Variants in CEP57 observed in about 807,000 individuals in gnomAD.
CEP57 encodes the protein centrosomal protein of 57 kDa.
CEP57 carries 40 observed loss-of-function variants against 68.0 expected under a neutral mutation model. The ratio of observed to expected loss-of-function variants is 0.59; its 90% CI spans 0.46 to 0.77. The LOEUF (loss-of-function observed/expected upper bound fraction) is 0.77. Among genes scored for constraint, CEP57 ranks in the 30% least tolerant of loss-of-function variants. The probability of loss-of-function intolerance (pLI) is 0.00; values close to 1 mark genes in which losing one functional copy is unlikely to be tolerated. For synonymous variants in CEP57, 219 were observed against 198.7 expected (o/e 1.10, Z -0.86); for missense variants, 606 against 580.7 (o/e 1.04, Z -0.45).
At chr11:95,809,433 C>G (rs1254707785) in intron 2 of CEP57, among the ~76,000 whole-genome samples, 1 of 151,910 alleles carries the variant, frequency 6.6e-6, no homozygotes, top group African/African-American at 2.4e-5. Context: ...TTGAAAAGAT[C>G]AAAATTGATA....
chr11:95,791,711 A>G (rs1297839616), intron 1 of CEP57, among the ~76,000 whole-genome samples: 1 of 152,204 alleles, frequency 6.6e-6, no homozygotes, highest in Non-Finnish European at 1.5e-5. Flanking sequence ...AAGGTTTCCT[A>G]GAAGGGAAGA....
At chr11:95,829,454 C>G in intron 10 of CEP57, 123 bp downstream of exon 10, 1 of 1,026,468 alleles carries the variant, frequency 9.7e-7, no homozygotes, top group East Asian at 2.5e-5. Context: ...TACTTCTTTA[C>G]TGAAGACATT....
At chr11:95,813,316 G>A (rs577100022) in intron 3 of CEP57, 152 bp from the exon 4 acceptor site, 28 of 1,047,280 alleles carry the variant, frequency 2.7e-5, no homozygotes, top group East Asian at 7.7e-5. Context: ...TGACTAGCAC[G>A]TAGAAAGAAT....
At chr11:95,803,949 A>G (rs896815298) in intron 2 of CEP57, among the ~76,000 whole-genome samples, 13 of 152,000 alleles carry the variant, frequency 8.6e-5, no homozygotes, top group African/African-American at 2.7e-4. Flanking sequence ...GTAAGGGGAA[A>G]CTCCCAGAAA....
intron 5 of CEP57, 184 bp downstream of exon 5, chr11:95,818,087 A>ATT: frequency 3.6e-6 from 2 of 557,432 alleles, no homozygotes; most frequent in South Asian, 2.1e-5. Context: ...CTTGGTGGGC[A>ATT]TTTTTTTTTA....
At chr11:95,822,190 A>G (rs1488398036) in intron 7 of CEP57, 1 of 593,020 alleles carries the variant, frequency 1.7e-6, no homozygotes, top group African/African-American at 1.9e-5. Flanking sequence ...ACTACAGAAC[A>G]CCATACAAAA....
intron 2 of CEP57, among the ~76,000 whole-genome samples, chr11:95,801,976 C>T (rs1163377891): frequency 6.6e-6 from 1 of 152,110 alleles, no homozygotes; most frequent in Non-Finnish European, 1.5e-5. Flanking sequence ...TCCAACGATA[C>T]TTACTTTCCA....
intron 9 of CEP57, 104 bp downstream of exon 9, chr11:95,828,131 T>C: frequency 7.3e-7 from 1 of 1,372,614 alleles, no homozygotes; most frequent in Non-Finnish European, 1.0e-6. Flanking sequence ...TGAGCAAGTA[T>C]GGTTGAGCAC....
chr11:95,829,371 GA>G (rs5793749), intron 10 of CEP57, 40 bp downstream of exon 10: 96 of 1,433,674 alleles, frequency 6.7e-5, no homozygotes, highest in African/African-American at 1.0e-4. Context: ...TAATGATTAA[GA>G]AAAAAAAAAC....
intron 7 of CEP57, 54 bp from the exon 8 acceptor site, chr11:95,822,445 G>C: frequency 7.1e-7 from 1 of 1,405,370 alleles, no homozygotes; most frequent in Non-Finnish European, 1.0e-6. Context: ...TGTATAGTCA[G>C]TTTTTATTAT....
chr11:95,812,005 C>G (rs1042119750), intron 2 of CEP57, among the ~76,000 whole-genome samples: 2 of 152,060 alleles, frequency 1.3e-5, no homozygotes, highest in Admixed American at 6.5e-5. Context: ...AACCAAATGA[C>G]AGTCATTATC....
At chr11:95,816,632 TTTATA>T (rs1328371020) in intron 4 of CEP57, among the ~76,000 whole-genome samples, 1 of 152,246 alleles carries the variant, frequency 6.6e-6, no homozygotes, top group African/African-American at 2.4e-5. Context: ...AAATTATTGC[TTTATA>T]TTAATTTGTC....
intron 6 of CEP57, among the ~76,000 whole-genome samples, chr11:95,820,329 C>CA (rs1489363347): frequency 1.3e-5 from 2 of 151,970 alleles, no homozygotes; most frequent in African/African-American, 4.8e-5. Flanking sequence ...TATAACTATT[C>CA]AGAGTCTGGA....
At chr11:95,829,371 G>GAAA in intron 10 of CEP57, 40 bp downstream of exon 10, 52 of 1,433,134 alleles carry the variant, frequency 3.6e-5, no homozygotes, top group Non-Finnish European at 4.5e-5. Flanking sequence ...TAATGATTAA[G>GAAA]AAAAAAAAAA....
chr11:95,809,123 A>G (rs1861938477), intron 2 of CEP57, among the ~76,000 whole-genome samples: 1 of 152,246 alleles, frequency 6.6e-6, no homozygotes, highest in Non-Finnish European at 1.5e-5. Context: ...AATGAAATGA[A>G]GGCAGAAATA....
chr11:95,813,131 T>A lies in CEP57; in HGVS notation c.382+20T>A, dbSNP rs140437159. 6.2e-7 allele frequency: 1 copy of A among 1,605,364 alleles called. No individual in the cohort carries two copies. The highest frequency in any genetic ancestry group is 8.5e-7 in the Non-Finnish European group (1 of 1,174,676). ...ATCAAGGTTTGTTGATGAAGAAAAT[T>A]AAAATTCTATCAAAATAAGTGTTGT... On this transcript the variant is annotated intron_variant, in intron 3 of 10. Transcript: ENST00000325542.
chr11:95,827,728 G>A, intron 8 of CEP57, 58 bp from the exon 9 acceptor site: 1 of 1,605,952 alleles, frequency 6.2e-7, no homozygotes, highest in Non-Finnish European at 8.5e-7. Flanking sequence ...TTAGGGAATA[G>A]AAAGTGGTGT....
rs1861135042 is a variant in CEP57 at position 95,792,528 on chromosome 11, G to C, written c.45+1785G>C. On this transcript the variant is annotated intron_variant, in intron 1 of 10. Coordinates refer to ENST00000325542, the MANE Select transcript of CEP57 (RefSeq NM_014679.5). ...TTTAATTGAGCTGCACTATGCCAAG[G>C]ACACCTAGGTGAGCATTGGCACTGG... Among the ~76,000 whole-genome samples the C allele has an allele frequency of 2.0e-5, 3 of 152,324 alleles. No individual in the cohort carries two copies. In the South Asian group the frequency reaches 6.2e-4, roughly 32 times the overall value.
At chr11:95,829,921 T>TA in intron 10 of CEP57, among the ~76,000 whole-genome samples, 1 of 152,148 alleles carries the variant, frequency 6.6e-6, no homozygotes, top group Admixed American at 6.5e-5. Flanking sequence ...TGGGCAGAGG[T>TA]AAACAGATTT....
Sources: allele counts gnomAD v4.1 joint callset (sites outside exome capture counted in the v4.1 genomes callset), GRCh38; gene constraint gnomAD v4.1.1; transcripts MANE v1.5; gene names NCBI Gene and HGNC (gene_info 2026-07-23, HGNC 2026-07-21).